SLC24A3: variants seen among roughly 807,000 people sequenced by gnomAD.
The protein encoded by SLC24A3 is solute carrier family 24 member 3.
Under a neutral mutation model 75.8 loss-of-function variants are expected in SLC24A3, and 28 were observed. The observed-to-expected ratio is 0.37, with a 90% CI of 0.27 to 0.51. The LOEUF is 0.51. Among genes scored for constraint, SLC24A3 ranks in the 20% least tolerant of loss-of-function variants. The pLI is 0.94. For missense variants in SLC24A3, 663 were observed against 847.8 expected (o/e 0.78, Z 2.71); for synonymous variants, 372 against 334.1 (o/e 1.11, Z -1.24).
At chr20:19,383,548 G>C (rs374169581) in intron 2 of SLC24A3, among the ~76,000 whole-genome samples, 4 of 152,082 alleles carry the variant, frequency 2.6e-5, no homozygotes, top group Admixed American at 6.5e-5. Context: ...TCTGCCTGTC[G>C]TGCTTGACCC....
rs536719938 is a variant in SLC24A3, at chr20:19,253,540, A to G, written c.143-27419A>G. ...TCCTGGTTGTTAATTTTGAGTCATC[A>G]GCATCTTTGCCTGTAGTATCCGCAT... On this transcript the variant is annotated intron_variant, in intron 1 of 16. Transcript: ENST00000328041. Among the ~76,000 whole-genome samples, 5 of 152,304 alleles carry G rather than the reference A, an allele frequency of 3.3e-5. No individual in the cohort carries two copies. In the South Asian group the frequency reaches 1.0e-3, roughly 32 times the overall value.
chr20:19,560,074 C>T (rs2030850651), intron 3 of SLC24A3, among the ~76,000 whole-genome samples: 1 of 152,106 alleles, frequency 6.6e-6, no homozygotes, highest in Non-Finnish European at 1.5e-5. Flanking sequence ...GAGATACAAG[C>T]CCACTCCAGC....
chr20:19,630,415 T>A (rs1391279907), intron 6 of SLC24A3, among the ~76,000 whole-genome samples: 2 of 152,244 alleles, frequency 1.3e-5, no homozygotes, highest in Non-Finnish European at 2.9e-5. Flanking sequence ...CAAGTCTATT[T>A]CTGTAATCTT....
chr20:19,400,446 C>A (rs993389400), intron 2 of SLC24A3, among the ~76,000 whole-genome samples: 2 of 152,168 alleles, frequency 1.3e-5, no homozygotes, highest in African/African-American at 4.8e-5. Context: ...ATTTTCCAGT[C>A]TTGCTGTTGA....
intron 3 of SLC24A3, among the ~76,000 whole-genome samples, chr20:19,565,055 C>T (rs2030933261): frequency 6.6e-6 from 1 of 152,200 alleles, no homozygotes; most frequent in Non-Finnish European, 1.5e-5. Flanking sequence ...ATCCACCCAC[C>T]TTAGTCTTCC....
At chr20:19,266,327 TAG>T (rs1983165804) in intron 1 of SLC24A3, among the ~76,000 whole-genome samples, 1 of 152,208 alleles carries the variant, frequency 6.6e-6, no homozygotes. Flanking sequence ...TCCTCACCCC[TAG>T]AGAGTCCCGA....
chr20:19,678,438 G>A (rs1165422360), intron 9 of SLC24A3, among the ~76,000 whole-genome samples: 8 of 128,364 alleles, frequency 6.2e-5, no homozygotes, highest in South Asian at 2.4e-4. Flanking sequence ...CTCACCTCCC[G>A]GACGGGGCGG....
At chr20:19,546,115 T>C (rs967528006) in intron 3 of SLC24A3, among the ~76,000 whole-genome samples, 59 of 125,102 alleles carry the variant, frequency 4.7e-4, no homozygotes, top group Non-Finnish European at 8.4e-4. Context: ...GCCGAGATTG[T>C]GCCACTGCAC....
intron 2 of SLC24A3, among the ~76,000 whole-genome samples, chr20:19,401,124 A>G (rs1349936623): frequency 6.6e-6 from 1 of 152,174 alleles, no homozygotes; most frequent in African/African-American, 2.4e-5. Flanking sequence ...CTGAGGTCCA[A>G]AAGAGACAAT....
intron 2 of SLC24A3, among the ~76,000 whole-genome samples, chr20:19,352,951 T>A (rs1985603389): frequency 6.6e-6 from 1 of 152,216 alleles, no homozygotes; most frequent in African/African-American, 2.4e-5. Flanking sequence ...TGTAATGTCA[T>A]AGCATAATGC....
At chr20:19,262,410 AAAAAAAAAAAAAAAAAG>A (rs1983020173) in intron 1 of SLC24A3, among the ~76,000 whole-genome samples, 1 of 150,682 alleles carries the variant, frequency 6.6e-6, no homozygotes, top group South Asian at 2.1e-4. Context: ...GTCTCAAAAA[AAAAAAAAAAAAAAAAAG>A]AAAGAGAGAG....
At position 19,688,024 on chromosome 20, in the gene SLC24A3, C is replaced by T. The variant is rs568261648; in HGVS notation, c.1324+2663C>T. Reference sequence around the variant, plus strand: ...TGAAGCACAGACAGGAGAGAAGAGACGATACTCTGTGTGGTCGTACCATCC... The same window carrying T: ...TGAAGCACAGACAGGAGAGAAGAGATGATACTCTGTGTGGTCGTACCATCC... On this transcript the variant is annotated intron_variant, in intron 12 of 16. Coordinates refer to ENST00000328041, the MANE Select transcript of SLC24A3 (RefSeq NM_020689.4). Among the ~76,000 whole-genome samples the T allele has an allele frequency of 9.9e-5, 15 of 152,258 alleles. 1 individual carries two copies. Among genetic ancestry groups the T allele is most frequent in the Admixed American group, 2.6e-4 (4 of 15,302 alleles).
chr20:19,458,575 T>C (rs1462014500), intron 2 of SLC24A3, among the ~76,000 whole-genome samples: 1 of 152,240 alleles, frequency 6.6e-6, no homozygotes, highest in Non-Finnish European at 1.5e-5. Context: ...TTCCATTTTC[T>C]GTGTGTATGA....
At chr20:19,681,095 C>T (rs546102006) in intron 9 of SLC24A3, among the ~76,000 whole-genome samples, 1 of 152,184 alleles carries the variant, frequency 6.6e-6, no homozygotes, top group Non-Finnish European at 1.5e-5. Context: ...TGGGAATCTT[C>T]TCATACTAAA....
chr20:19,574,969 G>T (rs997224220), intron 3 of SLC24A3, among the ~76,000 whole-genome samples: 8 of 152,018 alleles, frequency 5.3e-5, no homozygotes, highest in African/African-American at 1.9e-4. Flanking sequence ...ATTACACCAG[G>T]CCAGCTGCGG....
intron 2 of SLC24A3, among the ~76,000 whole-genome samples, chr20:19,422,238 T>C (rs1430197458): frequency 6.6e-6 from 1 of 152,160 alleles, no homozygotes; most frequent in Non-Finnish European, 1.5e-5. Flanking sequence ...CAGACCATCT[T>C]GGCCACAGTG....
chr20:19,517,900 G>T (rs1448854460), intron 3 of SLC24A3, among the ~76,000 whole-genome samples: 2 of 152,182 alleles, frequency 1.3e-5, no homozygotes, highest in Non-Finnish European at 2.9e-5. Flanking sequence ...GGGTGGACCT[G>T]CTGGTGCCAT....
chr20:19,233,429 A>G (rs986426962), intron 1 of SLC24A3, among the ~76,000 whole-genome samples: 2 of 152,238 alleles, frequency 1.3e-5, no homozygotes, highest in African/African-American at 4.8e-5. Flanking sequence ...CTTCTGGGGT[A>G]CCATAAGTGT....
Position 19,701,144 on chromosome 20 carries a change from A to G in SLC24A3, c.1719+2464A>G, listed in dbSNP as rs116954221. Among the ~76,000 whole-genome samples the G allele has an allele frequency of 7.2e-5, 11 of 152,262 alleles. No individual in the cohort carries two copies. The East Asian group carries it at 2.1e-3, about 29-fold the overall frequency. Reference sequence around the variant, plus strand: ...AGCCTTTCACATGTCTGTCTTCTTCATGGCACACAGTATGGGGCAGGCACA... The same window carrying G: ...AGCCTTTCACATGTCTGTCTTCTTCGTGGCACACAGTATGGGGCAGGCACA... On this transcript the variant is annotated intron_variant, in intron 15 of 16. Coordinates refer to ENST00000328041, the MANE Select transcript of SLC24A3 (RefSeq NM_020689.4).
Sources: allele counts gnomAD v4.1 joint callset (sites outside exome capture counted in the v4.1 genomes callset), GRCh38; gene constraint gnomAD v4.1.1; transcripts MANE v1.5; gene names NCBI Gene and HGNC (gene_info 2026-07-23, HGNC 2026-07-21).